The following DCC variants were observed in gnomAD, a reference collection of about 807,000 sequenced individuals.
The protein encoded by DCC is DCC netrin 1 receptor.
Under a neutral mutation model 172.5 loss-of-function variants are expected in DCC, and 58 were observed. That is an observed-to-expected ratio of 0.34 (90% CI 0.27 to 0.42). The LOEUF (loss-of-function observed/expected upper bound fraction) is 0.42, where lower values mean the gene tolerates loss of function less well. DCC is among the 10% of genes least tolerant of loss of function. The pLI is 1.00. For missense variants in DCC, 1,740 were observed against 1,791.0 expected (o/e 0.97, Z 0.51); for synonymous variants, 709 against 644.5 (o/e 1.10, Z -1.52).
At chr18:53,140,584 G>C (rs2043815541) in intron 7 of DCC, among the ~76,000 whole-genome samples, 1 of 152,058 alleles carries the variant, frequency 6.6e-6, no homozygotes, top group African/African-American at 2.4e-5. Flanking sequence ...ACATTGTCAT[G>C]TTTATATTTT....
At chr18:52,971,224 G>T (rs2041025126) in intron 5 of DCC, among the ~76,000 whole-genome samples, 1 of 152,044 alleles carries the variant, frequency 6.6e-6, no homozygotes, top group Non-Finnish European at 1.5e-5. Context: ...CCCTGTGCAG[G>T]AGCTTTCAAA....
chr18:53,062,424 A>T (rs1228727413), intron 5 of DCC, among the ~76,000 whole-genome samples: 3 of 152,138 alleles, frequency 2.0e-5, no homozygotes, highest in African/African-American at 7.2e-5. Context: ...TCCATTTTCT[A>T]TGTGAAACAG....
chr18:52,699,338 G>C (rs2036067803), intron 1 of DCC, among the ~76,000 whole-genome samples: 1 of 152,054 alleles, frequency 6.6e-6, no homozygotes, highest in Admixed American at 6.6e-5. Flanking sequence ...CTCATGCTAG[G>C]AGCTCATGTG....
At chr18:53,380,649 A>G (rs543132476) in intron 15 of DCC, among the ~76,000 whole-genome samples, 55 of 152,286 alleles carry the variant, frequency 3.6e-4, no homozygotes, top group Non-Finnish European at 6.9e-4. Context: ...AGGCAGTCAA[A>G]GGGGTTGTGG....
chr18:53,139,571 C>G lies in DCC; in HGVS notation c.1262-17785C>G, dbSNP rs542595688. On this transcript the variant is annotated intron_variant, in intron 7 of 28. Transcript: ENST00000442544. ...TGTTTAACAAAAACTTATTGTGCACCTGCTATGAGTCAGGCATTCTGTATG... is the reference window on the plus strand; with the variant it reads ...TGTTTAACAAAAACTTATTGTGCACGTGCTATGAGTCAGGCATTCTGTATG... Among the ~76,000 whole-genome samples the G allele has an allele frequency of 3.9e-5, 6 of 152,086 alleles. No homozygotes were observed. In the East Asian group the frequency reaches 5.8e-4, roughly 15 times the overall value.
At chr18:53,211,503 C>G (rs571207475) in intron 11 of DCC, among the ~76,000 whole-genome samples, 2 of 152,178 alleles carry the variant, frequency 1.3e-5, no homozygotes, top group Non-Finnish European at 2.9e-5. Flanking sequence ...GCGGGCAGAT[C>G]ACAAGGTCAG....
In DCC at chr18:53,351,443, GTA is replaced by G. The variant is rs10671545; in HGVS notation, c.2359+11549_2359+11550del. ...CACACTGTGTATATATATATACAGTGTATATATATATATACACAGTGTGTATA... is the reference window on the plus strand; with the variant it reads ...CACACTGTGTATATATATATACAGTGTATATATATATACACAGTGTGTATA... On this transcript the variant is annotated intron_variant, in intron 15 of 28. Coordinates refer to ENST00000442544, the MANE Select transcript of DCC (RefSeq NM_005215.4). 8.2e-3 allele frequency among the ~76,000 whole-genome samples: 262 copies of G among 31,992 alleles called. 19 individuals are homozygous for G. The highest frequency in any genetic ancestry group is 0.013 in the Non-Finnish European group (223 of 17,136). 21.0% of individuals were successfully genotyped at this position (31,992 alleles called of 152,430 possible).
intron 1 of DCC, among the ~76,000 whole-genome samples, chr18:52,710,325 C>G (rs1420331804): frequency 2.0e-5 from 3 of 152,178 alleles, no homozygotes; most frequent in Non-Finnish European, 4.4e-5. Flanking sequence ...GAGCTATGCT[C>G]ATGTCACTGC....
chr18:52,924,602 A>AG (rs2040173397), intron 4 of DCC, among the ~76,000 whole-genome samples: 1 of 152,078 alleles, frequency 6.6e-6, no homozygotes, highest in Non-Finnish European at 1.5e-5. Context: ...AATTTCATTG[A>AG]TTTTTGAGGA....
At chr18:52,737,026 C>A (rs556651255) in intron 1 of DCC, among the ~76,000 whole-genome samples, 1 of 152,142 alleles carries the variant, frequency 6.6e-6, no homozygotes, top group African/African-American at 2.4e-5. Flanking sequence ...ACACTTGAAC[C>A]CCTCAATGGA....
At chr18:52,433,735 A>G (rs75649772) in intron 1 of DCC, among the ~76,000 whole-genome samples, 3,855 of 152,288 alleles carry the variant, frequency 0.025, 80 homozygotes, top group Admixed American at 0.037. Flanking sequence ...TTTAAATCTG[A>G]TTATTTCATT....
intron 5 of DCC, among the ~76,000 whole-genome samples, chr18:53,044,234 A>G (rs34719966): frequency 0.018 from 2,758 of 152,020 alleles, 44 homozygotes; most frequent in Non-Finnish European, 0.025. Context: ...TGCTTGATGT[A>G]TAAAGCAAAG....
intron 1 of DCC, among the ~76,000 whole-genome samples, chr18:52,394,886 G>A (rs556725343): frequency 1.3e-5 from 2 of 152,174 alleles, no homozygotes; most frequent in South Asian, 4.1e-4. Context: ...CTGAAAAATA[G>A]TTAATGAAAG....
At chr18:52,424,349 C>A (rs963955467) in intron 1 of DCC, among the ~76,000 whole-genome samples, 1 of 152,228 alleles carries the variant, frequency 6.6e-6, no homozygotes, top group East Asian at 1.9e-4. Flanking sequence ...CAGCACCTTT[C>A]TAACTCTAAA....
chr18:52,586,103 A>C (rs772093769), intron 1 of DCC, among the ~76,000 whole-genome samples: 2,672 of 150,534 alleles, frequency 0.018, 51 homozygotes, highest in South Asian at 0.029. Context: ...AAAAAAAAAA[A>C]AAAAACAAAA....
chr18:53,469,059 C>A (rs1018351106), intron 25 of DCC, among the ~76,000 whole-genome samples: 3 of 152,124 alleles, frequency 2.0e-5, no homozygotes, highest in Non-Finnish European at 2.9e-5. Flanking sequence ...CACTTTATTG[C>A]CCCCTTGCCA....
chr18:52,592,516 G>A (rs553774555), intron 1 of DCC, among the ~76,000 whole-genome samples: 2 of 152,206 alleles, frequency 1.3e-5, no homozygotes, highest in South Asian at 2.1e-4. Context: ...CCTTTCTCCC[G>A]GCAAAACTGG....
At chr18:53,084,659 A>C (rs1415425677) in intron 7 of DCC, among the ~76,000 whole-genome samples, 1 of 152,162 alleles carries the variant, frequency 6.6e-6, no homozygotes, top group Non-Finnish European at 1.5e-5. Context: ...CAGCCTCTTT[A>C]AGTAGGAAAA....
chr18:53,156,628 A>T, intron 7 of DCC, among the ~76,000 whole-genome samples: 1 of 152,164 alleles, frequency 6.6e-6, no homozygotes, highest in Non-Finnish European at 1.5e-5. Flanking sequence ...TTCTACAGTA[A>T]TAACTGCCCC....
Sources: allele counts gnomAD v4.1 joint callset (sites outside exome capture counted in the v4.1 genomes callset), GRCh38; gene constraint gnomAD v4.1.1; transcripts MANE v1.5; gene names NCBI Gene and HGNC (gene_info 2026-07-23, HGNC 2026-07-21).